MAP2K5: variants seen among roughly 807,000 people sequenced by gnomAD.
The protein encoded by MAP2K5 is dual specificity mitogen-activated protein kinase kinase 5.
Under a neutral mutation model 83.1 loss-of-function variants are expected in MAP2K5, and 49 were observed. The observed-to-expected ratio is 0.59, with a 90% CI of 0.47 to 0.75. The LOEUF (loss-of-function observed/expected upper bound fraction) is 0.75. Among genes scored for constraint, MAP2K5 ranks in the 30% least tolerant of loss-of-function variants. The pLI is 0.00. For missense variants in MAP2K5, 457 were observed against 557.5 expected (o/e 0.82, Z 1.82); for synonymous variants, 202 against 191.8 (o/e 1.05, Z -0.44).
intron 9 of MAP2K5, chr15:67,642,601 A>T (rs1045701337): frequency 6.7e-6 from 5 of 745,230 alleles, no homozygotes; most frequent in Non-Finnish European, 1.2e-5. Context: ...CACCCCAAGT[A>T]CAGGAAACAG....
chr15:67,692,803 A>C (rs2088149147), intron 14 of MAP2K5, among the ~76,000 whole-genome samples: 1 of 152,320 alleles, frequency 6.6e-6, no homozygotes, highest in East Asian at 1.9e-4. Flanking sequence ...AGCAAACTTC[A>C]TTGATATGCA....
intron 15 of MAP2K5, among the ~76,000 whole-genome samples, chr15:67,697,332 C>T (rs2088291381): frequency 6.6e-6 from 1 of 152,124 alleles, no homozygotes; most frequent in African/African-American, 2.4e-5. Context: ...ATCCTCACAA[C>T]ACTATGACAT....
At chr15:67,806,487 A>C (rs2090810682) in intron 21 of MAP2K5, among the ~76,000 whole-genome samples, 159 bp from the exon 22 acceptor site, 2 of 152,170 alleles carry the variant, frequency 1.3e-5, no homozygotes, top group African/African-American at 4.8e-5. Context: ...CCTGGGCCTC[A>C]ATTATCTAGG....
chr15:67,710,497 G>GT (rs10609519), intron 16 of MAP2K5, among the ~76,000 whole-genome samples: 4,619 of 80,870 alleles, frequency 0.057, 257 homozygotes, highest in East Asian at 0.082. Flanking sequence ...ATCTTCTGAA[G>GT]TTTTTTTTTT....
chr15:67,723,311 A>C (rs561969826), intron 16 of MAP2K5, among the ~76,000 whole-genome samples: 2 of 152,202 alleles, frequency 1.3e-5, no homozygotes, highest in African/African-American at 4.8e-5. Context: ...TGTTATTTAA[A>C]TTATAAAATC....
chr15:67,645,393 G>T (rs187414433), intron 9 of MAP2K5, among the ~76,000 whole-genome samples: 1 of 151,948 alleles, frequency 6.6e-6, no homozygotes, highest in African/African-American at 2.4e-5. Context: ...TGGGAGGTTT[G>T]TTTAAGTCTG....
intron 21 of MAP2K5, among the ~76,000 whole-genome samples, chr15:67,803,124 A>G (rs2090736097): frequency 1.3e-5 from 2 of 152,248 alleles, no homozygotes; most frequent in Non-Finnish European, 2.9e-5. Flanking sequence ...GCACATCAGG[A>G]CAAACCTTTG....
chr15:67,622,679 C>T (rs980352440), intron 8 of MAP2K5, among the ~76,000 whole-genome samples: 20 of 152,012 alleles, frequency 1.3e-4, no homozygotes, highest in East Asian at 3.9e-4. Flanking sequence ...AACATGGCAG[C>T]GCTCACTGCC....
Position 67,749,218 on chromosome 15 carries a change from T to C in MAP2K5, c.1134+617T>C, listed in dbSNP as rs1434637978. Among the ~76,000 whole-genome samples the C allele has an allele frequency of 6.6e-6, 1 of 152,226 alleles. No individual in the cohort carries two copies. The highest frequency in any genetic ancestry group is 2.4e-5 in the African/African-American group (1 of 41,458). On this transcript the variant is annotated intron_variant, in intron 19 of 21. Coordinates refer to ENST00000178640, the MANE Select transcript of MAP2K5 (RefSeq NM_145160.3). This position sits in a 1 kb window ranked among gnomAD's most constrained non-coding sequence, Gnocchi z 4.6. Reference sequence around the variant, plus strand: ...ATTGAATTCCACTGTTCCTTTGCCTTCATGGTGCTAATCTACCTGCCTTTC... The same window carrying C: ...ATTGAATTCCACTGTTCCTTTGCCTCCATGGTGCTAATCTACCTGCCTTTC...
intron 17 of MAP2K5, among the ~76,000 whole-genome samples, chr15:67,739,349 G>A (rs976723680): frequency 1.5e-5 from 2 of 131,828 alleles, no homozygotes; most frequent in Non-Finnish European, 3.2e-5. Flanking sequence ...GACTTATTTT[G>A]TTTAAATCTA....
At chr15:67,650,306 C>A (rs536505743) in intron 11 of MAP2K5, among the ~76,000 whole-genome samples, 3 of 152,142 alleles carry the variant, frequency 2.0e-5, no homozygotes, top group African/African-American at 7.2e-5. Flanking sequence ...TTCTGAATGT[C>A]TTTTATTTCC....
intron 13 of MAP2K5, among the ~76,000 whole-genome samples, chr15:67,684,828 T>G (rs1244631123): frequency 6.6e-6 from 1 of 152,206 alleles, no homozygotes; most frequent in Non-Finnish European, 1.5e-5. Flanking sequence ...TTGATGGAAT[T>G]AACTGAATTA....
Position 67,717,230 on chromosome 15 carries a change from G to C in MAP2K5, c.1045-10686G>C, listed in dbSNP as rs1299110157. The stretch of plus-strand genomic sequence containing the variant: ...ATACCTTACACTATCCCTGTAGCTG[G>C]TTTAGTTTCACCATATTTCAAAATG... On this transcript the variant is annotated intron_variant, in intron 16 of 21. Coordinates refer to ENST00000178640, the MANE Select transcript of MAP2K5 (RefSeq NM_145160.3). The surrounding 1 kb of genome is among the most constrained non-coding windows in gnomAD (Gnocchi z 4.1). Among the ~76,000 whole-genome samples the C allele has an allele frequency of 6.6e-6, 1 of 152,166 alleles. No homozygotes were observed. The highest frequency in any genetic ancestry group is 1.5e-5 in the Non-Finnish European group (1 of 68,034).
At position 67,802,896 on chromosome 15, in the gene MAP2K5, G is replaced by A. The variant is rs79585489; in HGVS notation, c.1243-3750G>A. 3.3e-3 allele frequency among the ~76,000 whole-genome samples: 496 copies of A among 152,326 alleles called. 2 individuals are homozygous for A. The highest frequency in any genetic ancestry group is 0.013 in the East Asian group (67 of 5,176). ...CCCAAGCCCAGGGGAGGGACCAGCC[G>A]CAGGGGCTGGAGACTGCAAGGAGCC... On this transcript the variant is annotated intron_variant, in intron 21 of 21. Coordinates refer to ENST00000178640, the MANE Select transcript of MAP2K5 (RefSeq NM_145160.3). The surrounding 1 kb of genome is among the most constrained non-coding windows in gnomAD (Gnocchi z 5.0).
rs1212320636 is a variant in MAP2K5, at chr15:67,724,719, T to A, written c.1045-3197T>A. Among the ~76,000 whole-genome samples the A allele has an allele frequency of 2.0e-5, 3 of 152,216 alleles. No individual in the cohort carries two copies. Among genetic ancestry groups the A allele is most frequent in the African/African-American group, 7.2e-5 (3 of 41,458 alleles). ...GACAAATAGTGTGGAACATAAACAC[T>A]GTAGCTGCATTAGACCTAGAGGGAT... On this transcript the variant is annotated intron_variant, in intron 16 of 21. Coordinates refer to ENST00000178640, the MANE Select transcript of MAP2K5 (RefSeq NM_145160.3). This position sits in a 1 kb window ranked among gnomAD's most constrained non-coding sequence, Gnocchi z 4.4.
intron 16 of MAP2K5, among the ~76,000 whole-genome samples, chr15:67,704,000 G>A (rs914795545): frequency 3.3e-5 from 5 of 152,136 alleles, no homozygotes; most frequent in Non-Finnish European, 7.4e-5. Flanking sequence ...TATGTATTTA[G>A]CACAATTGCA....
In MAP2K5 at chr15:67,782,560, T is replaced by C. The variant is rs2090345520; in HGVS notation, c.1242+9808T>C. 6.6e-6 allele frequency among the ~76,000 whole-genome samples: 1 copy of C among 152,208 alleles called. No homozygotes were observed. Among genetic ancestry groups the C allele is most frequent in the Non-Finnish European group, 1.5e-5 (1 of 68,032 alleles). On this transcript the variant is annotated intron_variant, in intron 21 of 21. Transcript: ENST00000178640. This position sits in a 1 kb window ranked among gnomAD's most constrained non-coding sequence, Gnocchi z 4.9. The stretch of plus-strand genomic sequence containing the variant: ...CTCACAGTGACCAGGCCTGAGTTTA[T>C]TCAGCATTCACAGGGAGCAGCTAAT...
intron 8 of MAP2K5, among the ~76,000 whole-genome samples, chr15:67,625,597 A>G (rs2141076145): frequency 6.6e-6 from 1 of 152,350 alleles, no homozygotes; most frequent in South Asian, 2.1e-4. Flanking sequence ...GAGATGTAGT[A>G]TCTGTTGAAA....
rs1377110705 is a variant in MAP2K5, at chr15:67,559,589, T to A, written c.185-3694T>A. Among the ~76,000 whole-genome samples, 3 of 152,216 alleles carry A rather than the reference T, an allele frequency of 2.0e-5. No homozygotes were observed. The highest frequency in any genetic ancestry group is 2.9e-5 in the Non-Finnish European group (2 of 68,038). ...TTTTGTGAAGATTGCTTCATAATAT[T>A]GGTTTACCATCTGCTGCACTCTATT... On this transcript the variant is annotated intron_variant, in intron 2 of 21. Transcript: ENST00000178640. The surrounding 1 kb of genome is among the most constrained non-coding windows in gnomAD (Gnocchi z 4.7).
Sources: allele counts gnomAD v4.1 joint callset (sites outside exome capture counted in the v4.1 genomes callset), GRCh38; gene constraint gnomAD v4.1.1; non-coding constraint Gnocchi (gnomAD v3.1); transcripts MANE v1.5; gene names NCBI Gene and HGNC (gene_info 2026-07-23, HGNC 2026-07-21).